The following CEP70 variants were observed in gnomAD, a reference collection of about 807,000 sequenced individuals.
CEP70 encodes centrosomal protein of 70 kDa.
A neutral mutation model predicts 90.9 loss-of-function variants in CEP70; 70 were observed. That is an observed-to-expected ratio of 0.77 (90% CI 0.64 to 0.94). CEP70 has a LOEUF of 0.94. Among genes scored for constraint, CEP70 ranks in the 40% least tolerant of loss-of-function variants. The pLI is 0.00. For missense variants in CEP70, 648 were observed against 669.0 expected, an observed-to-expected ratio of 0.97 and a Z score of 0.35; for synonymous variants, 220 against 228.3, an observed-to-expected ratio of 0.96 and a Z score of 0.33.
chr3:138,530,809 C>T, intron 8 of CEP70: 1 of 984,930 alleles, frequency 1.0e-6, no homozygotes, highest in Non-Finnish European at 1.2e-6. Flanking sequence ...TACCTATATC[C>T]TATTTGTAGA....
At chr3:138,511,166 C>T (rs1007175402) in intron 11 of CEP70, among the ~76,000 whole-genome samples, 6 of 152,098 alleles carry the variant, frequency 3.9e-5, no homozygotes, top group Non-Finnish European at 8.8e-5. Context: ...CCACCGTGCC[C>T]CCCCAGTCCT....
chr3:138,519,855 G>A (rs1441852686), intron 11 of CEP70, among the ~76,000 whole-genome samples: 1 of 152,080 alleles, frequency 6.6e-6, no homozygotes, highest in Admixed American at 6.6e-5. Flanking sequence ...ATGTAAATGG[G>A]CTAAATGCTC....
Position 138,587,321 on chromosome 3 carries a change from T to C in CEP70, c.-6+4533A>G, listed in dbSNP as rs191464949. 5.7e-3 allele frequency among the ~76,000 whole-genome samples: 856 copies of C among 151,420 alleles called. 8 individuals are homozygous for C. The highest frequency in any genetic ancestry group is 0.02 in the African/African-American group (825 of 41,284). On this transcript the variant is annotated intron_variant, in intron 2 of 17. Coordinates refer to ENST00000264982, the MANE Select transcript of CEP70 (RefSeq NM_024491.4). ...ATTAAAAAGAAATGAAGAAGAAATA[T>C]GAAAATGACAAAGATAGGCAAAGAA...
intron 6 of CEP70, among the ~76,000 whole-genome samples, chr3:138,552,661 G>C (rs1369593681): frequency 6.6e-6 from 1 of 151,880 alleles, no homozygotes; most frequent in African/African-American, 2.4e-5. Flanking sequence ...AAAACCTCTG[G>C]GATACAGTAA....
intron 7 of CEP70, among the ~76,000 whole-genome samples, chr3:138,535,101 C>T (rs781744275): frequency 2.0e-5 from 3 of 152,188 alleles, no homozygotes; most frequent in Non-Finnish European, 2.9e-5. Flanking sequence ...CTCAAAGTTA[C>T]AGCACACTTT....
intron 6 of CEP70, among the ~76,000 whole-genome samples, chr3:138,542,276 G>A (rs1201860956): frequency 1.3e-5 from 2 of 152,204 alleles, no homozygotes; most frequent in Admixed American, 6.5e-5. Flanking sequence ...TTCCGCTGTG[G>A]GCACCAATGC....
Position 138,529,425 on chromosome 3 carries a change from TTTC to T in CEP70, c.727_729del (p.Glu243del). 8 of 1,612,044 alleles carry T rather than the reference TTTC, an allele frequency of 5.0e-6. No homozygotes were observed. The South Asian group carries it at 5.5e-5, about 11-fold the overall frequency. On this transcript the variant is annotated inframe_deletion, in exon 9 of 18. Coordinates refer to ENST00000264982, the MANE Select transcript of CEP70 (RefSeq NM_024491.4). ...GAGGCATCCAGATTTCTGTAGTCGT[TTTC>T]TTCTTCTGACTGACTTTCATCTTCT...
chr3:138,509,692 T>A (rs1039570957), intron 11 of CEP70, among the ~76,000 whole-genome samples: 1 of 152,156 alleles, frequency 6.6e-6, no homozygotes, highest in Non-Finnish European at 1.5e-5. Flanking sequence ...TTTTTTTATT[T>A]TATTTTTTTT....
At chr3:138,535,069 A>G (rs2038145507) in intron 7 of CEP70, among the ~76,000 whole-genome samples, 1 of 151,794 alleles carries the variant, frequency 6.6e-6, no homozygotes, top group South Asian at 2.1e-4. Context: ...TAGAACTCAA[A>G]CTCTTCGGCC....
chr3:138,592,035 G>A, intron 1 of CEP70, 79 bp from the exon 2 acceptor site: 1 of 564,454 alleles, frequency 1.8e-6, no homozygotes, highest in Non-Finnish European at 3.1e-6. Flanking sequence ...GTTACTCCCA[G>A]AGCAGGCATC....
In CEP70 at chr3:138,523,379, A is replaced by G. The variant is rs1428445501; in HGVS notation, c.944+2111T>C. ...AGTATTGGAAGTTCTGGCCAGGGCA[A>G]TCAGGCAGGAGAAGGAAATAAAGGG... is the stretch of plus-strand genomic sequence containing the variant. On this transcript the variant is annotated intron_variant, in intron 11 of 17. Transcript: ENST00000264982. Among the ~76,000 whole-genome samples the G allele has an allele frequency of 3.9e-5, 6 of 152,304 alleles. No homozygotes were observed. The East Asian group carries it at 7.7e-4, about 20-fold the overall frequency.
intron 10 of CEP70, 27 bp from the exon 11 acceptor site, chr3:138,525,591 A>C (rs767377785): frequency 9.3e-7 from 1 of 1,081,052 alleles, no homozygotes; most frequent in Non-Finnish European, 1.3e-6. Flanking sequence ...ATGATAAATT[A>C]ATTCAATTTA....
intron 17 of CEP70, chr3:138,495,920 A>G (rs1183639765): frequency 1.0e-6 from 1 of 985,378 alleles, no homozygotes; most frequent in Non-Finnish European, 1.2e-6. Context: ...CAAGTACAAT[A>G]TATTATAGAG....
chr3:138,534,966 A>G (rs944970740), intron 7 of CEP70, among the ~76,000 whole-genome samples: 1 of 152,026 alleles, frequency 6.6e-6, no homozygotes, highest in African/African-American at 2.4e-5. Flanking sequence ...TTAGCCCTCT[A>G]CTACTACAAC....
intron 6 of CEP70, 35 bp downstream of exon 6, chr3:138,570,283 A>G (rs763002405): frequency 7.1e-7 from 1 of 1,413,832 alleles, no homozygotes; most frequent in East Asian, 2.4e-5. Context: ...TTTTAGTACT[A>G]ACTAACCATC....
intron 11 of CEP70, among the ~76,000 whole-genome samples, chr3:138,515,762 C>T (rs1266387821): frequency 2.0e-5 from 3 of 152,154 alleles, no homozygotes; most frequent in East Asian, 1.9e-4. Flanking sequence ...CACATGTGTA[C>T]GTGTGTGTGT....
At chr3:138,569,809 A>G (rs1442563248) in intron 6 of CEP70, among the ~76,000 whole-genome samples, 1 of 152,208 alleles carries the variant, frequency 6.6e-6, no homozygotes, top group Non-Finnish European at 1.5e-5. Flanking sequence ...CAGAGGTTGC[A>G]CTGGGCTGTG....
chr3:138,495,180 C>T, intron 17 of CEP70, 104 bp from the exon 18 acceptor site: 1 of 638,424 alleles, frequency 1.6e-6, no homozygotes, highest in Non-Finnish European at 2.8e-6. Flanking sequence ...AACATAAAGG[C>T]AATAATACTG....
At chr3:138,527,677 A>G (rs2037405880) in intron 10 of CEP70, among the ~76,000 whole-genome samples, 1 of 145,910 alleles carries the variant, frequency 6.9e-6, no homozygotes. Context: ...CCTGGGCGAC[A>G]GAGCAAGACT....
Sources: allele counts gnomAD v4.1 joint callset (sites outside exome capture counted in the v4.1 genomes callset), GRCh38; gene constraint gnomAD v4.1.1; transcripts MANE v1.5; gene names NCBI Gene and HGNC (gene_info 2026-07-23, HGNC 2026-07-21).